Variants in STX3 observed in about 807,000 individuals in gnomAD.
The protein encoded by STX3 is syntaxin 3.
In STX3, 19 loss-of-function variants were observed where a neutral mutation model predicts 40.2. The ratio of observed to expected loss-of-function variants is 0.47; its 90% confidence interval spans 0.33 to 0.69. The LOEUF is 0.69. Among genes scored for constraint, STX3 ranks in the 30% least tolerant of loss-of-function variants. STX3 has a pLI of 0.02. For synonymous variants in STX3, 122 were observed against 132.2 expected, an observed-to-expected ratio of 0.92 and a Z score of 0.53; for missense variants, 364 against 366.7, an observed-to-expected ratio of 0.99 and a Z score of 0.06.
At chr11:59,786,925 C>A in intron 2 of STX3, 112 bp from the exon 3 acceptor site, 1 of 865,666 alleles carries the variant, frequency 1.2e-6, no homozygotes, top group East Asian at 2.6e-5. Flanking sequence ...TATCTTCTTC[C>A]ACAAACCCAG....
In STX3 at chr11:59,769,829, C is replaced by CGTGTGT. The variant is rs148844771; in HGVS notation, c.31-3365_31-3360dup. 1.8e-3 allele frequency among the ~76,000 whole-genome samples: 270 copies of CGTGTGT among 148,540 alleles called. 1 individual carries two copies. The highest frequency in any genetic ancestry group is 6.5e-3 in the African/African-American group (261 of 40,364). On this transcript the variant is annotated intron_variant, in intron 1 of 10. Coordinates refer to ENST00000337979, the MANE Select transcript of STX3 (RefSeq NM_004177.5). ...CTGAATTGATGTCTTATAGTGTACA[C>CGTGTGT]GTGTGTGTGTGTGTGTGTGTGTATG...
intron 1 of STX3, among the ~76,000 whole-genome samples, chr11:59,760,728 C>T (rs1219053282): frequency 2.6e-5 from 4 of 152,152 alleles, no homozygotes; most frequent in Admixed American, 6.5e-5. Context: ...ATATTATTCT[C>T]GTTTTACAAG....
intron 4 of STX3, among the ~76,000 whole-genome samples, chr11:59,789,386 C>T (rs954252203): frequency 7.3e-5 from 11 of 151,502 alleles, no homozygotes; most frequent in Admixed American, 4.6e-4. Flanking sequence ...GTAACTGGGA[C>T]GCACCTGGCC....
upstream of STX3, chr11:59,755,364 G>C (rs969242135): frequency 2.7e-5 from 9 of 331,556 alleles, no homozygotes; most frequent in South Asian, 4.2e-4. Flanking sequence ...CGCCGGCGCC[G>C]GCCCGGGAGC....
chr11:59,797,240 T>G (rs1424949873), intron 9 of STX3, 43 bp from the exon 10 acceptor site: 2 of 1,530,252 alleles, frequency 1.3e-6, no homozygotes, highest in South Asian at 1.1e-5. Context: ...TTTTTTTGGT[T>G]GTTTGTAATA....
rs371698693 is a variant in STX3, at chr11:59,773,014, A to C, written c.31-197A>C. ...ACACACACACACACACACACACACA[A>C]CCCAGCAATTGGTAGAGCTAGGATT... On this transcript the variant is annotated intron_variant, in intron 1 of 10. Transcript: ENST00000337979. Among the ~76,000 whole-genome samples the C allele has an allele frequency of 1.6e-3, 201 of 122,316 alleles. 1 individual carries two copies. Among genetic ancestry groups the C allele is most frequent in the African/African-American group, 6.0e-3 (192 of 32,022 alleles). 80.2% of individuals were successfully genotyped at this position (122,316 alleles called of 152,430 possible).
chr11:59,778,148 G>T (rs1864099490), intron 2 of STX3, among the ~76,000 whole-genome samples: 1 of 152,094 alleles, frequency 6.6e-6, no homozygotes, highest in African/African-American at 2.4e-5. Context: ...ACTTCTGCTT[G>T]GCTCTGTTAC....
intron 5 of STX3, 106 bp from the exon 6 acceptor site, chr11:59,792,001 G>T: frequency 1.1e-6 from 1 of 932,730 alleles, no homozygotes; most frequent in Non-Finnish European, 1.7e-6. Context: ...CTGGTTTTTT[G>T]ATTCCAAGTC....
intron 8 of STX3, among the ~76,000 whole-genome samples, chr11:59,795,039 T>C (rs1865430723): frequency 1.3e-5 from 2 of 152,220 alleles, no homozygotes; most frequent in Non-Finnish European, 2.9e-5. Context: ...TTCCTCTCCA[T>C]GTGCTTAAGT....
At chr11:59,759,602 G>C (rs1230202950) in intron 1 of STX3, among the ~76,000 whole-genome samples, 1 of 152,166 alleles carries the variant, frequency 6.6e-6, no homozygotes, top group Non-Finnish European at 1.5e-5. Flanking sequence ...CCTTGGAGAC[G>C]GATCTGTAGA....
chr11:59,764,106 C>T (rs1026930974), intron 1 of STX3, among the ~76,000 whole-genome samples: 1 of 152,068 alleles, frequency 6.6e-6, no homozygotes, highest in Non-Finnish European at 1.5e-5. Context: ...AGAGGGAGCT[C>T]TGTTTCTTTA....
intron 1 of STX3, among the ~76,000 whole-genome samples, chr11:59,758,279 T>C (rs1862841643): frequency 6.6e-6 from 1 of 152,090 alleles, no homozygotes; most frequent in Non-Finnish European, 1.5e-5. Flanking sequence ...TTGAATGTTG[T>C]AGGAATTTGA....
intron 7 of STX3, 74 bp downstream of exon 7, chr11:59,793,246 A>T: frequency 6.2e-7 from 1 of 1,606,704 alleles, no homozygotes; most frequent in Non-Finnish European, 8.5e-7. Context: ...CATGCAGTCC[A>T]GCAGGTGGAG....
chr11:59,754,849 A>T (rs983913362), upstream of STX3: 10 of 152,112 alleles, frequency 6.6e-5, no homozygotes, highest in African/African-American at 2.4e-4. Flanking sequence ...AAAAGATCCA[A>T]ATTCTCTGAC....
At chr11:59,796,122 A>T (rs2135031850) in intron 9 of STX3, among the ~76,000 whole-genome samples, 2 of 152,308 alleles carry the variant, frequency 1.3e-5, no homozygotes, top group East Asian at 3.9e-4. Flanking sequence ...TACCTAGCTC[A>T]TGCTAACTGC....
intron 10 of STX3, chr11:59,800,009 A>G (rs1865781505): frequency 2.0e-6 from 2 of 985,436 alleles, no homozygotes; most frequent in Non-Finnish European, 2.4e-6. Context: ...GCCCCTTTCT[A>G]TTCCTAATTC....
chr11:59,755,447 T>C lies in STX3; in HGVS notation c.-159T>C. On this transcript the variant is annotated 5_prime_UTR_variant, in exon 1 of 11. Transcript: ENST00000337979. ...CGGAGGCTCCCGTGGCCTCGGACGC[T>C]CCTCCTAGCTAGCGGCCGCCGCCCG... The C allele has an allele frequency of 2.6e-6, 2 of 772,830 alleles. No homozygotes were observed. The highest frequency in any genetic ancestry group is 3.7e-6 in the Non-Finnish European group (2 of 542,940). The allele number at this position is 772,830 out of a possible 1,614,324, so 47.9% of individuals were successfully genotyped here.
At position 59,793,109 on chromosome 11, in the gene STX3, G is replaced by A. The variant is rs2135019138; in HGVS notation, c.477G>A (p.Lys159=). ...IQRQLEITGK[K]TTDEELEEML... The stretch of plus-strand genomic sequence containing the variant: ...TCTTTTGTTACAAAGCTGGCAAAAA[G>A]ACAACCGATGAGGAGCTGGAGGAGA... The change falls in exon 7 of 11, where the codon AAG becomes AAA. Residue 159 remains lysine, a synonymous_variant. Coordinates refer to ENST00000337979, the MANE Select transcript of STX3 (RefSeq NM_004177.5). 2 of 1,613,566 alleles carry A rather than the reference G, an allele frequency of 1.2e-6. No homozygotes were observed. The highest frequency in any genetic ancestry group is 8.5e-7 in the Non-Finnish European group (1 of 1,179,990).
At position 59,803,633 on chromosome 11, in the gene STX3, A is replaced by G. The variant is rs1480293508; in HGVS notation, c.*2809A>G. On this transcript the variant is annotated 3_prime_UTR_variant, in exon 11 of 11. Coordinates refer to ENST00000337979, the MANE Select transcript of STX3 (RefSeq NM_004177.5). ...AAAAAGAACAAGAATTAGTTCTTGCATTAGGTGCATCTTGAACTTTTTGGA... is the reference window on the plus strand; with the variant it reads ...AAAAAGAACAAGAATTAGTTCTTGCGTTAGGTGCATCTTGAACTTTTTGGA... Among the ~76,000 whole-genome samples the G allele has an allele frequency of 6.6e-6, 1 of 152,182 alleles. No homozygotes were observed. Among genetic ancestry groups the G allele is most frequent in the East Asian group, 1.9e-4 (1 of 5,188 alleles).
Sources: gnomAD v4.1 joint callset for allele counts (sites outside exome capture counted in the v4.1 genomes callset) on GRCh38, gnomAD v4.1.1 for gene constraint, MANE v1.5 for transcripts, NCBI Gene and HGNC (gene_info 2026-07-23, HGNC 2026-07-21) for gene names.